Variants in SCMH1 observed in about 807,000 individuals in gnomAD.
The protein encoded by SCMH1 is polycomb protein SCMH1.
SCMH1 carries 37 observed loss-of-function variants against 70.8 expected under a neutral mutation model. The ratio of observed to expected loss-of-function variants is 0.52; its 90% confidence interval spans 0.40 to 0.69. The LOEUF is 0.69. Ranked by LOEUF, SCMH1 falls within the 30% of genes least tolerant of loss-of-function variation. The pLI is 0.00. For missense variants in SCMH1, 607 were observed against 827.3 expected, an observed-to-expected ratio of 0.73 and a Z score of 3.27; for synonymous variants, 292 against 307.4, an observed-to-expected ratio of 0.95 and a Z score of 0.52.
intron 1 of SCMH1, among the ~76,000 whole-genome samples, chr1:41,239,794 C>G (rs1663135766): frequency 6.6e-6 from 1 of 152,126 alleles, no homozygotes; most frequent in Non-Finnish European, 1.5e-5. Context: ...TCATGCCCAG[C>G]TATATTTTTA....
chr1:41,049,954 G>A (rs1443037126), intron 10 of SCMH1, among the ~76,000 whole-genome samples: 1 of 151,932 alleles, frequency 6.6e-6, no homozygotes, highest in African/African-American at 2.4e-5. Context: ...TACTTGGGAG[G>A]CTGAGGTGGG....
At chr1:41,044,144 G>A (rs1251339803) in intron 12 of SCMH1, among the ~76,000 whole-genome samples, 2 of 152,118 alleles carry the variant, frequency 1.3e-5, no homozygotes, top group Admixed American at 6.6e-5. Flanking sequence ...CTGCTATATC[G>A]GAAGTGCATG....
intron 5 of SCMH1, among the ~76,000 whole-genome samples, chr1:41,146,985 C>T (rs35071528): frequency 6.6e-6 from 1 of 151,950 alleles, no homozygotes; most frequent in East Asian, 1.9e-4. Flanking sequence ...CCCACCCCAC[C>T]CAAAGTAGTT....
chr1:41,045,612 C>A (rs1646801589), intron 12 of SCMH1: 1 of 152,336 alleles, frequency 6.6e-6, no homozygotes, highest in Admixed American at 6.5e-5. Context: ...CAACAGACAG[C>A]ACAGCACTCA....
At chr1:41,227,459 G>A (rs994967861) in intron 1 of SCMH1, among the ~76,000 whole-genome samples, 4 of 152,164 alleles carry the variant, frequency 2.6e-5, no homozygotes, top group Non-Finnish European at 4.4e-5. Context: ...TAACACAGAC[G>A]AACCTTGAAG....
intron 10 of SCMH1, among the ~76,000 whole-genome samples, chr1:41,049,947 T>C (rs1373676831): frequency 6.6e-6 from 1 of 151,802 alleles, no homozygotes; most frequent in Non-Finnish European, 1.5e-5. Context: ...TCCCAGCTAC[T>C]TGGGAGGCTG....
intron 8 of SCMH1, among the ~76,000 whole-genome samples, chr1:41,099,337 T>A (rs1665957462): frequency 6.6e-6 from 1 of 152,202 alleles, no homozygotes; most frequent in Non-Finnish European, 1.5e-5. Flanking sequence ...AACTCCCAGC[T>A]GCTGGTTTAA....
intron 6 of SCMH1, among the ~76,000 whole-genome samples, chr1:41,137,570 C>T (rs1643552005): frequency 6.6e-6 from 1 of 152,194 alleles, no homozygotes; most frequent in Non-Finnish European, 1.5e-5. Flanking sequence ...GTACATTTGT[C>T]TGCATCTCTT....
intron 2 of SCMH1, among the ~76,000 whole-genome samples, chr1:41,161,796 A>T (rs1481558281): frequency 6.6e-6 from 1 of 152,240 alleles, no homozygotes; most frequent in Admixed American, 6.5e-5. Flanking sequence ...TCATGGAATG[A>T]TCACAATTAT....
At chr1:41,150,936 C>CAAA (rs71062579) in intron 5 of SCMH1, among the ~76,000 whole-genome samples, 87 of 75,634 alleles carry the variant, frequency 1.2e-3, no homozygotes, top group East Asian at 2.2e-3. Context: ...GACACCATCT[C>CAAA]AAAAAAAAAA....
chr1:41,238,799 CT>C (rs972178930), intron 1 of SCMH1, among the ~76,000 whole-genome samples: 7 of 152,088 alleles, frequency 4.6e-5, no homozygotes, highest in Non-Finnish European at 8.8e-5. Context: ...GACCACACCT[CT>C]TTTTTTTCTC....
chr1:41,039,215 T>G (rs1645744941), intron 12 of SCMH1, among the ~76,000 whole-genome samples: 1 of 152,182 alleles, frequency 6.6e-6, no homozygotes. Flanking sequence ...GAAGAATAAT[T>G]ATGATGACAA....
chr1:41,117,634 T>C (rs1298268260), intron 6 of SCMH1, among the ~76,000 whole-genome samples: 1 of 152,204 alleles, frequency 6.6e-6, no homozygotes, highest in African/African-American at 2.4e-5. Context: ...AGTGGTCATG[T>C]TCCTAGTTCG....
chr1:41,116,965 G>A (rs775677371), exon 7 of SCMH1: 7 of 1,604,340 alleles, frequency 4.4e-6, no homozygotes, highest in South Asian at 2.3e-5. Context: ...TCCATTTAGC[G>A]TCTTCAAAAG....
intron 1 of SCMH1, among the ~76,000 whole-genome samples, chr1:41,193,294 T>C (rs1652179469): frequency 6.6e-6 from 1 of 152,234 alleles, no homozygotes; most frequent in South Asian, 2.1e-4. Context: ...TTTTATTCAT[T>C]AAACAAAATA....
chr1:41,187,608 T>C (rs1268302592), intron 1 of SCMH1, among the ~76,000 whole-genome samples: 1 of 151,968 alleles, frequency 6.6e-6, no homozygotes, highest in Non-Finnish European at 1.5e-5. Flanking sequence ...AAAAATGGCT[T>C]TGAAAGTGCT....
intron 13 of SCMH1, among the ~76,000 whole-genome samples, chr1:41,035,285 C>A (rs1449030300): frequency 6.6e-6 from 1 of 152,158 alleles, no homozygotes; most frequent in Non-Finnish European, 1.5e-5. Flanking sequence ...TACTCTCCCC[C>A]TTCCTCCCAG....
At chr1:41,159,412 A>G (rs1004932156) in intron 4 of SCMH1, among the ~76,000 whole-genome samples, 8 of 152,222 alleles carry the variant, frequency 5.3e-5, no homozygotes, top group Admixed American at 3.3e-4. Flanking sequence ...ACCAAAAACA[A>G]CAGCAGCTAT....
At chr1:41,050,390 C>G (rs1647649808) in intron 10 of SCMH1, among the ~76,000 whole-genome samples, 1 of 152,122 alleles carries the variant, frequency 6.6e-6, no homozygotes, top group South Asian at 2.1e-4. Context: ...AATTGTGTGG[C>G]CCGTGGATGG....
Sources: gnomAD v4.1 joint callset for allele counts (sites outside exome capture counted in the v4.1 genomes callset) on GRCh38, gnomAD v4.1.1 for gene constraint, MANE v1.5 for transcripts, NCBI Gene and HGNC (gene_info 2026-07-23, HGNC 2026-07-21) for gene names.